Variants in KDM4C observed in about 807,000 individuals in gnomAD.
The protein encoded by KDM4C is lysine demethylase 4C.
Under a neutral mutation model 129.3 loss-of-function variants are expected in KDM4C, and 81 were observed. The observed-to-expected ratio is 0.63, with a 90% CI of 0.52 to 0.75. KDM4C has a LOEUF of 0.75. KDM4C is among the 30% of genes least tolerant of loss of function. The probability of loss-of-function intolerance (pLI) is 0.00; values close to 1 mark genes in which losing one functional copy is unlikely to be tolerated. For synonymous variants in KDM4C, 573 were observed against 456.1 expected (o/e 1.26, Z -3.26); for missense variants, 1,457 against 1,304.0 (o/e 1.12, Z -1.81).
intron 1 of KDM4C, among the ~76,000 whole-genome samples, chr9:6,749,470 T>C (rs1817997569): frequency 6.6e-6 from 1 of 152,044 alleles, no homozygotes. Context: ...CATCTAAGTG[T>C]GGGCAATATG....
chr9:6,921,065 C>T (rs1821415780), intron 8 of KDM4C, among the ~76,000 whole-genome samples: 2 of 151,950 alleles, frequency 1.3e-5, no homozygotes, highest in African/African-American at 2.4e-5. Context: ...TTTCTTGTTT[C>T]CGTCTGCCTT....
At chr9:7,077,617 G>T (rs2132897541) in intron 17 of KDM4C, among the ~76,000 whole-genome samples, 1 of 152,320 alleles carries the variant, frequency 6.6e-6, no homozygotes, top group South Asian at 2.1e-4. Flanking sequence ...TTTGCTGGCT[G>T]TACTGCCTCT....
chr9:7,131,622 A>T (rs1381751401), intron 19 of KDM4C, among the ~76,000 whole-genome samples: 2 of 152,134 alleles, frequency 1.3e-5, no homozygotes, highest in Non-Finnish European at 2.9e-5. Context: ...CCAGCCCCAC[A>T]CACCATTATT....
At chr9:6,971,466 G>C (rs1334564675) in intron 8 of KDM4C, among the ~76,000 whole-genome samples, 2 of 152,180 alleles carry the variant, frequency 1.3e-5, no homozygotes, top group Non-Finnish European at 2.9e-5. Flanking sequence ...AAATACACCT[G>C]ATCGTACCAA....
chr9:6,964,794 A>AC (rs1830637042), intron 8 of KDM4C, among the ~76,000 whole-genome samples: 1 of 149,598 alleles, frequency 6.7e-6, no homozygotes, highest in Non-Finnish European at 1.5e-5. Flanking sequence ...AAAAAAAAAA[A>AC]AAAAAAACCA....
chr9:7,058,841 A>G (rs1216988794), intron 17 of KDM4C, among the ~76,000 whole-genome samples: 2 of 139,062 alleles, frequency 1.4e-5, no homozygotes, highest in African/African-American at 5.4e-5. Flanking sequence ...ATGCTGTACT[A>G]CCAGTTTTTT....
At chr9:7,014,231 G>A in intron 14 of KDM4C, 2 of 432,934 alleles carry the variant, frequency 4.6e-6, no homozygotes, top group Non-Finnish European at 8.2e-6. Context: ...TTTTTTGTTG[G>A]TTTGTTTGTT....
intron 5 of KDM4C, among the ~76,000 whole-genome samples, chr9:6,857,755 CT>C (rs34529562): frequency 5.1e-3 from 690 of 135,438 alleles, no homozygotes; most frequent in Middle Eastern, 7.5e-3. Flanking sequence ...GCCAGCTGTA[CT>C]TTTTTTTTTT....
intron 5 of KDM4C, among the ~76,000 whole-genome samples, chr9:6,868,658 C>T (rs1340868303): frequency 6.6e-6 from 1 of 151,920 alleles, no homozygotes; most frequent in Non-Finnish European, 1.5e-5. Context: ...ACCAGAGAAA[C>T]AGTTTGTACA....
intron 18 of KDM4C, among the ~76,000 whole-genome samples, chr9:7,120,953 G>A (rs980965728): frequency 4.6e-5 from 7 of 152,098 alleles, no homozygotes; most frequent in African/African-American, 1.4e-4. Context: ...TTTTTTATAT[G>A]TAGTATTTCA....
At chr9:7,073,905 T>C (rs1393128530) in intron 17 of KDM4C, among the ~76,000 whole-genome samples, 1 of 152,154 alleles carries the variant, frequency 6.6e-6, no homozygotes, top group African/African-American at 2.4e-5. Context: ...TATCATCTAA[T>C]AAACTCCACT....
intron 8 of KDM4C, among the ~76,000 whole-genome samples, chr9:6,897,921 ACT>A (rs1228512067): frequency 6.6e-6 from 1 of 152,090 alleles, no homozygotes; most frequent in African/African-American, 2.4e-5. Flanking sequence ...ATTTGAGCTG[ACT>A]GTTTTCTGTT....
At chr9:6,894,604 C>G (rs991453093) in intron 8 of KDM4C, among the ~76,000 whole-genome samples, 3 of 152,210 alleles carry the variant, frequency 2.0e-5, no homozygotes, top group Non-Finnish European at 4.4e-5. Flanking sequence ...ATACAGGTCT[C>G]AGAAGTAGCC....
At chr9:7,116,109 C>A (rs1323405) in intron 18 of KDM4C, among the ~76,000 whole-genome samples, 68,193 of 151,958 alleles carry the variant, frequency 0.45, 15,627 homozygotes, top group East Asian at 0.74. Flanking sequence ...CTTAGCCATT[C>A]CTGGGCAGAC....
intron 5 of KDM4C, among the ~76,000 whole-genome samples, chr9:6,868,112 C>T (rs146458283): frequency 1.1e-3 from 160 of 151,958 alleles, no homozygotes; most frequent in African/African-American, 3.5e-3. Flanking sequence ...TTTCTCGCAC[C>T]AAACCCTCCC....
At chr9:6,721,765 T>C (rs1012154216) in intron 1 of KDM4C, among the ~76,000 whole-genome samples, 1 of 151,926 alleles carries the variant, frequency 6.6e-6, no homozygotes, top group African/African-American at 2.4e-5. Flanking sequence ...ATTTTTTGTA[T>C]TTTTAGTAGA....
intron 8 of KDM4C, among the ~76,000 whole-genome samples, chr9:6,964,760 G>A (rs1446531509): frequency 2.3e-5 from 3 of 131,060 alleles, no homozygotes; most frequent in African/African-American, 8.5e-5. Flanking sequence ...CCAGCCTGGG[G>A]GACAGAGTGA....
chr9:7,073,795 A>G (rs1833538480), intron 17 of KDM4C, among the ~76,000 whole-genome samples: 2 of 152,032 alleles, frequency 1.3e-5, no homozygotes, highest in Non-Finnish European at 2.9e-5. Context: ...ATTGTAGTTC[A>G]CTCTTGCCTG....
intron 19 of KDM4C, among the ~76,000 whole-genome samples, chr9:7,163,055 G>GA (rs1843975009): frequency 6.6e-6 from 1 of 152,114 alleles, no homozygotes; most frequent in South Asian, 2.1e-4. Flanking sequence ...GGCCGTGCAG[G>GA]AAAGTGCAGG....
Sources: allele counts gnomAD v4.1 joint callset (sites outside exome capture counted in the v4.1 genomes callset), GRCh38; gene constraint gnomAD v4.1.1; transcripts MANE v1.5; gene names NCBI Gene and HGNC (gene_info 2026-07-23, HGNC 2026-07-21).